The following RBFOX1 variants were observed in gnomAD, a reference collection of about 807,000 sequenced individuals.
The protein encoded by RBFOX1 is RNA binding protein fox-1 homolog 1.
In RBFOX1, 8 loss-of-function variants were observed where a neutral mutation model predicts 57.7. The observed-to-expected ratio is 0.14, with a 90% CI of 0.08 to 0.25. RBFOX1 has a LOEUF of 0.25. Ranked by LOEUF, RBFOX1 falls within the 10% of genes least tolerant of loss-of-function variation. The probability of loss-of-function intolerance (pLI) is 1.00; values close to 1 mark genes in which losing one functional copy is unlikely to be tolerated. For missense variants in RBFOX1, 611 were observed against 548.5 expected, an observed-to-expected ratio of 1.11 and a Z score of -1.14; for synonymous variants, 326 against 222.4, an observed-to-expected ratio of 1.47 and a Z score of -4.15.
At chr16:6,874,015 A>G (rs1049818162) in intron 3 of RBFOX1, 2 of 152,228 alleles carry the variant, frequency 1.3e-5, no homozygotes, top group Non-Finnish European at 1.5e-5. Context: ...TAGTAAAAGT[A>G]GAAATACCTG....
At chr16:6,337,410 C>T (rs1599776149) in intron 2 of RBFOX1, among the ~76,000 whole-genome samples, 1 of 152,156 alleles carries the variant, frequency 6.6e-6, no homozygotes, top group Non-Finnish European at 1.5e-5. Flanking sequence ...CAGGATAACC[C>T]AAACCAGAAC....
chr16:6,424,142 G>A (rs567358025), intron 2 of RBFOX1, among the ~76,000 whole-genome samples: 82 of 152,322 alleles, frequency 5.4e-4, no homozygotes, highest in Non-Finnish European at 8.8e-4. Flanking sequence ...GGGAGGCTGA[G>A]GCAGGAGAAT....
intron 3 of RBFOX1, among the ~76,000 whole-genome samples, chr16:6,700,485 C>T (rs79429962): frequency 0.046 from 6,985 of 152,054 alleles, 595 homozygotes; most frequent in East Asian, 0.26. Context: ...TGGTGAAACC[C>T]TGTCTCTACT....
At chr16:6,544,746 A>G (rs995427197) in intron 2 of RBFOX1, among the ~76,000 whole-genome samples, 5 of 152,156 alleles carry the variant, frequency 3.3e-5, no homozygotes, top group Admixed American at 1.3e-4. Flanking sequence ...TGTCACATGG[A>G]GATGATAACA....
At chr16:7,525,138 C>G (rs970695647) in intron 5 of RBFOX1, among the ~76,000 whole-genome samples, 1 of 152,178 alleles carries the variant, frequency 6.6e-6, no homozygotes, top group East Asian at 1.9e-4. Flanking sequence ...CCCTCTATCT[C>G]TATCATCTGT....
In RBFOX1 at chr16:6,423,221, C is replaced by T. The variant is rs147594481; in HGVS notation, c.-64+106164C>T. 1.9e-3 allele frequency among the ~76,000 whole-genome samples: 282 copies of T among 152,322 alleles called. 1 individual carries two copies. The highest frequency in any genetic ancestry group is 6.5e-3 in the African/African-American group (269 of 41,576). ...ACAATACAGTGTTTGTTGTATCTGA[C>T]CAACATTTTGTTCGGCCTTCCGCAA... On this transcript the variant is annotated intron_variant, in intron 2 of 15. Transcript: ENST00000550418.
At chr16:5,626,659 C>T (rs1294858134) in intron 3 of RBFOX1, among the ~76,000 whole-genome samples, 2 of 152,118 alleles carry the variant, frequency 1.3e-5, no homozygotes, top group Non-Finnish European at 2.9e-5. Context: ...TTGACACGAG[C>T]TCCGATATTC....
chr16:6,376,753 T>C (rs2091226076), intron 2 of RBFOX1, among the ~76,000 whole-genome samples: 1 of 152,166 alleles, frequency 6.6e-6, no homozygotes, highest in Non-Finnish European at 1.5e-5. Flanking sequence ...ATGTGTTTTC[T>C]TACAGTGCTG....
At chr16:7,109,346 C>T (rs1317265409) in intron 4 of RBFOX1, among the ~76,000 whole-genome samples, 1 of 152,158 alleles carries the variant, frequency 6.6e-6, no homozygotes, top group African/African-American at 2.4e-5. Flanking sequence ...CAAATCCCTG[C>T]AACCAAACCC....
At chr16:6,892,529 G>C (rs972935443) in intron 3 of RBFOX1, among the ~76,000 whole-genome samples, 1 of 152,044 alleles carries the variant, frequency 6.6e-6, no homozygotes, top group Non-Finnish European at 1.5e-5. Flanking sequence ...AATTAGCTGC[G>C]CATGGTGGCA....
chr16:5,459,928 A>G (rs1476051702), intron 1 of RBFOX1, among the ~76,000 whole-genome samples: 1 of 151,950 alleles, frequency 6.6e-6, no homozygotes, highest in Non-Finnish European at 1.5e-5. Context: ...CCGTGTCGCC[A>G]CTCCGAGTTC....
chr16:7,030,040 GGATA>G lies in RBFOX1; in HGVS notation c.-15-22011_-15-22008del, dbSNP rs142798831. ...TTTATGGGAAAAGTGGAGGATGGTG[GGATA>G]GATAGTCAGAAAAGTATGTGGGAAA... is the stretch of plus-strand genomic sequence containing the variant. On this transcript the variant is annotated intron_variant, in intron 3 of 15. Coordinates refer to ENST00000550418, the MANE Select transcript of RBFOX1 (RefSeq NM_018723.4). 5.0e-3 allele frequency among the ~76,000 whole-genome samples: 760 copies of G among 152,158 alleles called. 8 individuals carry two copies. Among genetic ancestry groups the G allele is most frequent in the African/African-American group, 0.017 (719 of 41,524 alleles).
At chr16:5,265,302 C>G (rs1286600202) in intron 1 of RBFOX1, among the ~76,000 whole-genome samples, 1 of 151,494 alleles carries the variant, frequency 6.6e-6, no homozygotes, top group African/African-American at 2.4e-5. Flanking sequence ...TAAAACGGTA[C>G]AGCCATGAAC....
rs541181311 is a variant in RBFOX1, at chr16:6,060,381, C to T, written c.-127+40389C>T. On this transcript the variant is annotated intron_variant, in intron 1 of 15. Coordinates refer to ENST00000550418, the MANE Select transcript of RBFOX1 (RefSeq NM_018723.4). ...TGAGTTAATAGATATAAAACACTTA[C>T]AGCAATGCCTAGCACACAGTAAATG... Among the ~76,000 whole-genome samples the T allele has an allele frequency of 4.6e-5, 7 of 152,202 alleles. No homozygotes were observed. In the South Asian group the frequency reaches 1.4e-3, roughly 32 times the overall value.
chr16:7,623,746 A>C (rs933372049), intron 10 of RBFOX1, among the ~76,000 whole-genome samples: 1 of 152,104 alleles, frequency 6.6e-6, no homozygotes, highest in African/African-American at 2.4e-5. Flanking sequence ...GAAGTCTGAG[A>C]TCATGGTGTT....
chr16:6,923,156 C>G (rs553355736), intron 3 of RBFOX1, among the ~76,000 whole-genome samples: 2 of 152,278 alleles, frequency 1.3e-5, no homozygotes, highest in South Asian at 2.1e-4. Context: ...CAGTGTGAGT[C>G]TGAGAATAAA....
At chr16:6,729,123 T>A (rs2067927140) in intron 3 of RBFOX1, among the ~76,000 whole-genome samples, 1 of 151,808 alleles carries the variant, frequency 6.6e-6, no homozygotes, top group Non-Finnish European at 1.5e-5. Context: ...AACTAAGGAG[T>A]TTTGTTCTTT....
intron 3 of RBFOX1, among the ~76,000 whole-genome samples, chr16:7,027,325 T>C (rs929599026): frequency 2.6e-4 from 40 of 152,246 alleles, no homozygotes; most frequent in Non-Finnish European, 3.8e-4. Flanking sequence ...AAATGCATTA[T>C]AGAATTTTGT....
intron 2 of RBFOX1, among the ~76,000 whole-genome samples, chr16:5,556,673 C>A (rs1297569350): frequency 1.3e-5 from 2 of 152,202 alleles, no homozygotes; most frequent in Non-Finnish European, 2.9e-5. Flanking sequence ...CCCTCGGGCA[C>A]CTTCCATGTG....
Sources: allele counts gnomAD v4.1 joint callset (sites outside exome capture counted in the v4.1 genomes callset), GRCh38; gene constraint gnomAD v4.1.1; transcripts MANE v1.5; gene names NCBI Gene and HGNC (gene_info 2026-07-23, HGNC 2026-07-21).